UFD1: variants seen among roughly 807,000 people sequenced by gnomAD.
UFD1 encodes ubiquitin recognition factor in ER-associated degradation protein 1.
In UFD1, 13 loss-of-function variants were observed where a neutral mutation model predicts 45.9. That is an observed-to-expected ratio of 0.28 (90% CI 0.18 to 0.45). UFD1 has a LOEUF of 0.45. UFD1 is among the 20% of genes least tolerant of loss of function. The pLI, the probability that UFD1 is intolerant of heterozygous loss-of-function variation, is 1.00. For synonymous variants in UFD1, 128 were observed against 139.2 expected (o/e 0.92, Z 0.56); for missense variants, 218 against 389.2 (o/e 0.56, Z 3.70).
intron 4 of UFD1, among the ~76,000 whole-genome samples, chr22:19,470,378 G>C (rs1033566280): frequency 6.6e-6 from 1 of 152,192 alleles, no homozygotes; most frequent in Non-Finnish European, 1.5e-5. Flanking sequence ...CCACTACCAT[G>C]GCAGCATGGG....
chr22:19,467,558 C>A (rs1434180638), intron 5 of UFD1: 3 of 267,234 alleles, frequency 1.1e-5, no homozygotes, highest in Non-Finnish European at 2.2e-5. Context: ...GGCAGATAAG[C>A]TGCTCCCTCC....
rs373851761 is a variant in UFD1 at position 19,455,628 on chromosome 22, G to A, written c.767+52C>T. ...TGGGGTGAGGCTGCCCGACCCCAGC[G>A]GGCTGGCACAGATCCTCCTCCTGTC... On this transcript the variant is annotated intron_variant, in intron 10 of 11. Coordinates refer to ENST00000263202, the MANE Select transcript of UFD1 (RefSeq NM_005659.7). 3.4e-4 allele frequency: 541 copies of A among 1,576,636 alleles called. 2 individuals carry two copies. Among genetic ancestry groups the A allele is most frequent in the African/African-American group, 3.0e-3 (223 of 73,812 alleles).
chr22:19,461,733 T>C (rs2089768145), intron 6 of UFD1, among the ~76,000 whole-genome samples: 1 of 152,202 alleles, frequency 6.6e-6, no homozygotes, highest in African/African-American at 2.4e-5. Flanking sequence ...CTTGCATATA[T>C]AACCATCTGG....
chr22:19,459,735 C>CTTT (rs35629488), intron 6 of UFD1, among the ~76,000 whole-genome samples: 4 of 88,988 alleles, frequency 4.5e-5, no homozygotes, highest in Admixed American at 1.4e-4. Flanking sequence ...GTCTGTCTTG[C>CTTT]TTTTTTTTTT....
At chr22:19,454,260 A>C (rs1388542437) in intron 11 of UFD1, 2 of 997,562 alleles carry the variant, frequency 2.0e-6, no homozygotes, top group Non-Finnish European at 2.4e-6. Flanking sequence ...CAGGGAGCAG[A>C]GGGACCCTAG....
intron 11 of UFD1, chr22:19,454,475 G>C: frequency 2.7e-6 from 2 of 744,436 alleles, no homozygotes; most frequent in Non-Finnish European, 3.7e-6. Context: ...TTTATAAGTA[G>C]GTGTTTCCCT....
At chr22:19,478,826 T>A (rs5748231) in intron 1 of UFD1, 23 of 530,032 alleles carry the variant, frequency 4.3e-5, no homozygotes, top group African/African-American at 2.7e-4. Flanking sequence ...GACACAAACC[T>A]TCCTTTCTTT....
At chr22:19,456,518 C>A in intron 9 of UFD1, 69 bp downstream of exon 9, 5 of 1,605,518 alleles carry the variant, frequency 3.1e-6, no homozygotes, top group Non-Finnish European at 4.3e-6. Context: ...TGGAGAACAC[C>A]TTGAGTGAGT....
At position 19,450,247 on chromosome 22, in the gene UFD1, G is replaced by C. The variant is rs1027211625; in HGVS notation, c.*423C>G. ...CATGTCTATTTAAAGCCTTTTTTTA[G>C]GCCAAAGACTGACACCTATGCAATT... On this transcript the variant is annotated 3_prime_UTR_variant, in exon 12 of 12. Coordinates refer to ENST00000263202, the MANE Select transcript of UFD1 (RefSeq NM_005659.7). The C allele has an allele frequency of 6.4e-6, 1 of 156,092 alleles. No individual in the cohort carries two copies. The highest frequency in any genetic ancestry group is 1.4e-5 in the Non-Finnish European group (1 of 70,608). The allele number at this position is 156,092 out of a possible 1,614,324, so 9.7% of individuals were successfully genotyped here. A position where few individuals can be genotyped will look rare whatever the true frequency, so the allele number is the denominator to read the frequency against.
At chr22:19,469,015 G>C (rs1010185185) in intron 4 of UFD1, among the ~76,000 whole-genome samples, 7 of 152,190 alleles carry the variant, frequency 4.6e-5, no homozygotes, top group African/African-American at 1.7e-4. Context: ...CATGAGTGAA[G>C]CCTGAGTGGT....
intron 5 of UFD1, chr22:19,466,311 G>A (rs112796313): frequency 0.029 from 4,439 of 152,362 alleles, 77 homozygotes; most frequent in African/African-American, 0.04. Flanking sequence ...CTGAGAACAC[G>A]AGGCCTCTGC....
chr22:19,465,704 G>A (rs1296149501), intron 5 of UFD1: 1 of 159,020 alleles, frequency 6.3e-6, no homozygotes, highest in Non-Finnish European at 1.4e-5. Flanking sequence ...GCTGAACTGT[G>A]TGCATTTTAT....
chr22:19,452,417 A>C (rs537058718), intron 11 of UFD1: 2 of 152,196 alleles, frequency 1.3e-5, no homozygotes, highest in Admixed American at 1.3e-4. Context: ...GGAGGGACAC[A>C]ATCCAGCTCA....
In UFD1 at chr22:19,475,024, T is replaced by C. The variant is rs746802269; in HGVS notation, c.169+44A>G. On this transcript the variant is annotated intron_variant, in intron 3 of 11. Transcript: ENST00000263202. ...AGCCCATGCTGACTCTTGGTGTCCA[T>C]ATGTACATTATCTAAGTCCTTAAGT... The C allele has an allele frequency of 1.3e-5, 20 of 1,583,306 alleles. No homozygotes were observed. The South Asian group carries it at 1.8e-4, about 15-fold the overall frequency.
At chr22:19,477,395 T>A (rs1013643275) in intron 1 of UFD1, among the ~76,000 whole-genome samples, 3 of 152,230 alleles carry the variant, frequency 2.0e-5, no homozygotes, top group African/African-American at 7.2e-5. Flanking sequence ...GTCACATGGA[T>A]GAACCTTGAG....
Position 19,467,912 on chromosome 22 carries a change from T to C in UFD1, c.383A>G (p.Gln128Arg). ...GGTGATGTCCAGGAAGTCAGGGCTC[T>C]GAGGTTGGAATTTGGAGTAGGTGGC... ...QVATYSKFQP[Q>R]SPDFLDITNP... The change falls in exon 5 of 12, where the codon CAG (glutamine) becomes CGG (arginine). Residue 128 changes from glutamine to arginine, a missense_variant. This residue lies in a region of UFD1 where 149 missense variants were observed against 307.5 expected (regional missense o/e 0.48). Coordinates refer to ENST00000263202, the MANE Select transcript of UFD1 (RefSeq NM_005659.7). The C allele has an allele frequency of 1.2e-6, 2 of 1,614,174 alleles. No homozygotes were observed. The highest frequency in any genetic ancestry group is 1.7e-6 in the Non-Finnish European group (2 of 1,180,020).
chr22:19,471,987 G>C (rs2089849768), intron 3 of UFD1, among the ~76,000 whole-genome samples, 179 bp from the exon 4 acceptor site: 1 of 152,168 alleles, frequency 6.6e-6, no homozygotes. Flanking sequence ...TGGCAACTTG[G>C]TAACACAGCA....
At chr22:19,468,070 A>G (rs1161660601) in intron 4 of UFD1, 67 bp from the exon 5 acceptor site, 1 of 1,590,888 alleles carries the variant, frequency 6.3e-7, no homozygotes, top group African/African-American at 1.4e-5. Context: ...ACTGCTCCCT[A>G]TACACTGGGC....
chr22:19,455,627 C>T (rs1332763706), intron 10 of UFD1, 53 bp downstream of exon 10: 21 of 1,571,126 alleles, frequency 1.3e-5, no homozygotes, highest in Admixed American at 1.7e-5. Flanking sequence ...CCGACCCCAG[C>T]GGGCTGGCAC....
Sources: allele counts gnomAD v4.1 joint callset (sites outside exome capture counted in the v4.1 genomes callset), GRCh38; gene constraint gnomAD v4.1.1; regional missense constraint gnomAD v4.1.1; transcripts MANE v1.5; gene names NCBI Gene and HGNC (gene_info 2026-07-23, HGNC 2026-07-21).